The following TRDMT1 variants were observed in gnomAD, a reference collection of about 807,000 sequenced individuals.
TRDMT1 encodes tRNA (cytosine(38)-C(5))-methyltransferase.
TRDMT1 carries 49 observed loss-of-function variants against 51.2 expected under a neutral mutation model. That is an observed-to-expected ratio of 0.96 (90% CI 0.76 to 1.21). The LOEUF (loss-of-function observed/expected upper bound fraction) is 1.21, where lower values mean the gene tolerates loss of function less well. Ranked by LOEUF, TRDMT1 falls within the 50% of genes most tolerant of loss-of-function variation. The pLI is 0.00. For synonymous variants in TRDMT1, 187 were observed against 164.6 expected (o/e 1.14, Z -1.04); for missense variants, 534 against 462.3 (o/e 1.16, Z -1.42).
chr10:17,139,155 G>A lies in TRDMT1; in HGVS notation c.*9885C>T, dbSNP rs538346372. ...TTTCCAAGGTGTGAAGCAATGAAGC[G>A]GAGTTTACCATAGGTGAACCCTCCT... On this transcript the variant is annotated 3_prime_UTR_variant, in exon 11 of 11. Coordinates refer to ENST00000377799, the MANE Select transcript of TRDMT1 (RefSeq NM_004412.7). 44 of 984,440 alleles carry A rather than the reference G, an allele frequency of 4.5e-5. No individual in the cohort carries two copies. The East Asian group carries it at 1.7e-3, about 38-fold the overall frequency. The allele number at this position is 984,440 out of a possible 1,614,324, so 61.0% of individuals were successfully genotyped here. A position where few individuals can be genotyped will look rare whatever the true frequency, so the allele number is the denominator to read the frequency against.
intron 3 of TRDMT1, among the ~76,000 whole-genome samples, chr10:17,168,547 G>A (rs766682088): frequency 4.6e-5 from 7 of 152,032 alleles, no homozygotes; most frequent in Non-Finnish European, 1.0e-4. Flanking sequence ...CCGGTGGGAG[G>A]TAACGGAATC....
At chr10:17,199,529 T>C (rs967216993) in intron 1 of TRDMT1, among the ~76,000 whole-genome samples, 1 of 152,150 alleles carries the variant, frequency 6.6e-6, no homozygotes, top group Admixed American at 6.5e-5. Flanking sequence ...ATTCAGGGAA[T>C]CGTTTAATTA....
At chr10:17,174,771 C>T (rs1173719525) in intron 1 of TRDMT1, 111 bp from the exon 2 acceptor site, 1 of 846,736 alleles carries the variant, frequency 1.2e-6, no homozygotes, top group Non-Finnish European at 1.9e-6. Flanking sequence ...CATTTATTAG[C>T]CTCATCTCAG....
At chr10:17,160,481 G>GT (rs397958704) in intron 5 of TRDMT1, 107 bp from the exon 6 acceptor site, 237 of 750,424 alleles carry the variant, frequency 3.2e-4, no homozygotes, top group Admixed American at 7.2e-4. Flanking sequence ...TGTTTTTTTG[G>GT]TTTTTTTTGA....
At chr10:17,164,447 G>C (rs1840874440) in intron 3 of TRDMT1, among the ~76,000 whole-genome samples, 1 of 152,168 alleles carries the variant, frequency 6.6e-6, no homozygotes, top group South Asian at 2.1e-4. Flanking sequence ...CATTCCCTTT[G>C]AAAACTGGCA....
At chr10:17,197,081 G>C (rs1564352425) in intron 1 of TRDMT1, among the ~76,000 whole-genome samples, 1 of 152,052 alleles carries the variant, frequency 6.6e-6, no homozygotes, top group African/African-American at 2.4e-5. Context: ...CCTGTTTGTT[G>C]GGTGTCCTGG....
intron 1 of TRDMT1, among the ~76,000 whole-genome samples, chr10:17,189,092 G>C (rs563103276): frequency 3.5e-4 from 54 of 152,258 alleles, no homozygotes; most frequent in African/African-American, 1.2e-3. Flanking sequence ...TTTAGTAATT[G>C]AGTAATATGA....
chr10:17,176,402 G>A (rs1436546017), intron 1 of TRDMT1, among the ~76,000 whole-genome samples: 1 of 152,072 alleles, frequency 6.6e-6, no homozygotes, highest in African/African-American at 2.4e-5. Context: ...TTAATTTTAT[G>A]TTCTTGTGTT....
chr10:17,174,676 G>A lies in TRDMT1; in HGVS notation c.65-16C>T. 6.3e-7 allele frequency: 1 copy of A among 1,578,070 alleles called. No individual in the cohort carries two copies. On this transcript the variant is annotated splice_polypyrimidine_tract_variant and intron_variant, in intron 1 of 10. Transcript: ENST00000377799. ...ATACAGCTTTCTGTAATGATAAATG[G>A]AGTATCTTGAAAAGAAAAGTCCTTA...
In TRDMT1 at chr10:17,145,435, G is replaced by A. The variant is rs1174838984; in HGVS notation, c.*3605C>T. The A allele has an allele frequency of 2.0e-6, 2 of 985,178 alleles. No individual in the cohort carries two copies. The highest frequency in any genetic ancestry group is 3.5e-5 in the African/African-American group (2 of 57,172). 61.0% of individuals were successfully genotyped at this position (985,178 alleles called of 1,614,324 possible). A position where few individuals can be genotyped will look rare whatever the true frequency, so the allele number is the denominator to read the frequency against. ...TGGAAGAGATTAACTAGTAGACAGA[G>A]GTCCAAAGGCCATGTCTTTAAAAAT... On this transcript the variant is annotated 3_prime_UTR_variant, in exon 11 of 11. Transcript: ENST00000377799.
chr10:17,139,501 G>A lies in TRDMT1; in HGVS notation c.*9539C>T, dbSNP rs1204431188. On this transcript the variant is annotated 3_prime_UTR_variant, in exon 11 of 11. Transcript: ENST00000377799. ...CACCGATGGGGGGAAGAAAAAAACA[G>A]TTTGGTTCTCTTCTGGGAAGGAAAA... 6.6e-6 allele frequency among the ~76,000 whole-genome samples: 1 copy of A among 152,074 alleles called. No homozygotes were observed. Among genetic ancestry groups the A allele is most frequent in the Non-Finnish European group, 1.5e-5 (1 of 68,010 alleles).
chr10:17,146,512 T>G lies in TRDMT1; in HGVS notation c.*2528A>C. The G allele has an allele frequency of 1.0e-6, 1 of 985,306 alleles. No homozygotes were observed. The highest frequency in any genetic ancestry group is 1.2e-6 in the Non-Finnish European group (1 of 829,794). The allele number at this position is 985,306 out of a possible 1,614,324, so 61.0% of individuals were successfully genotyped here. On this transcript the variant is annotated 3_prime_UTR_variant, in exon 11 of 11. Transcript: ENST00000377799. ...TTGTTTACATTAATTGATTTGGTCA[T>G]CTCTTAGAATTAGTTTTGGATCCTG...
At chr10:17,152,419 A>G (rs1320102363) in intron 10 of TRDMT1, among the ~76,000 whole-genome samples, 3 of 152,218 alleles carry the variant, frequency 2.0e-5, no homozygotes, top group East Asian at 3.8e-4. Flanking sequence ...CCAAAACCTC[A>G]GCTTAAATCC....
intron 1 of TRDMT1, among the ~76,000 whole-genome samples, chr10:17,179,297 G>A (rs1201871753): frequency 1.3e-5 from 2 of 152,076 alleles, no homozygotes; most frequent in Non-Finnish European, 2.9e-5. Flanking sequence ...CAGAAGAGAA[G>A]AGAAAAAGCA....
At chr10:17,155,151 T>A (rs1839325934) in intron 8 of TRDMT1, among the ~76,000 whole-genome samples, 1 of 151,848 alleles carries the variant, frequency 6.6e-6, no homozygotes, top group African/African-American at 2.4e-5. Flanking sequence ...GAGGCGGAGG[T>A]TGCAGTGAGC....
At chr10:17,151,303 A>G (rs1452726354) in intron 10 of TRDMT1, 8 of 985,136 alleles carry the variant, frequency 8.1e-6, no homozygotes, top group African/African-American at 1.7e-5. Context: ...TCAAAAACAA[A>G]GAAACATGGG....
intron 3 of TRDMT1, among the ~76,000 whole-genome samples, chr10:17,165,492 T>G (rs1841062027): frequency 6.6e-6 from 1 of 152,268 alleles, no homozygotes; most frequent in African/African-American, 2.4e-5. Flanking sequence ...CCAAAAGCAA[T>G]GGCAACAAAA....
chr10:17,196,894 G>A (rs1845521354), intron 1 of TRDMT1, among the ~76,000 whole-genome samples: 3 of 152,124 alleles, frequency 2.0e-5, no homozygotes, highest in South Asian at 4.1e-4. Context: ...AACAAACGAG[G>A]AAACCCATCT....
intron 3 of TRDMT1, among the ~76,000 whole-genome samples, chr10:17,163,598 A>T (rs4317886): frequency 1.3e-5 from 2 of 151,778 alleles, no homozygotes; most frequent in South Asian, 2.1e-4. Flanking sequence ...TTTTTTGAAA[A>T]GATCAACAAA....
Sources: allele counts gnomAD v4.1 joint callset (sites outside exome capture counted in the v4.1 genomes callset), GRCh38; gene constraint gnomAD v4.1.1; transcripts MANE v1.5; gene names NCBI Gene and HGNC (gene_info 2026-07-23, HGNC 2026-07-21).